Variants in THADA observed in about 807,000 individuals in gnomAD.
THADA encodes the protein THADA armadillo repeat containing.
In THADA, 213 loss-of-function variants were observed where a neutral mutation model predicts 219.8. That is an observed-to-expected ratio of 0.97 (90% confidence interval 0.87 to 1.09). The LOEUF is 1.09. THADA is among the 50% of genes least tolerant of loss of function. The pLI is 0.00. For missense variants in THADA, 2,956 were observed against 2,311.3 expected (o/e 1.28, Z -5.72); for synonymous variants, 1,018 against 828.9 (o/e 1.23, Z -3.92).
chr2:43,407,482 T>A (rs1675708560), intron 28 of THADA, among the ~76,000 whole-genome samples: 1 of 152,324 alleles, frequency 6.6e-6, no homozygotes, highest in South Asian at 2.1e-4. Flanking sequence ...AGTCCAAGGT[T>A]GACTGCACAA....
chr2:43,557,017 T>C (rs764365989), intron 16 of THADA, among the ~76,000 whole-genome samples: 20 of 152,256 alleles, frequency 1.3e-4, no homozygotes, highest in Middle Eastern at 3.4e-3. Flanking sequence ...CAGGAGTTCA[T>C]GGCTGCAGTG....
intron 36 of THADA, among the ~76,000 whole-genome samples, chr2:43,268,006 G>C (rs1343874303): frequency 6.6e-6 from 1 of 152,182 alleles, no homozygotes; most frequent in African/African-American, 2.4e-5. Flanking sequence ...GAGGAAGCAG[G>C]AGAGGGGGAA....
At chr2:43,469,961 A>T in intron 26 of THADA, among the ~76,000 whole-genome samples, 1 of 152,258 alleles carries the variant, frequency 6.6e-6, no homozygotes, top group East Asian at 1.9e-4. Flanking sequence ...CTGCAATCTT[A>T]GCACTATGGA....
chr2:43,318,559 G>C (rs138384478), intron 31 of THADA, among the ~76,000 whole-genome samples: 1 of 152,168 alleles, frequency 6.6e-6, no homozygotes, highest in East Asian at 1.9e-4. Flanking sequence ...CATCTCAAGC[G>C]CTCAAGATCC....
chr2:43,272,242 G>C (rs7608501), intron 36 of THADA, among the ~76,000 whole-genome samples: 4,575 of 152,282 alleles, frequency 0.03, 238 homozygotes, highest in African/African-American at 0.1. Flanking sequence ...GACTGGGTAG[G>C]ATTTTATATG....
intron 26 of THADA, among the ~76,000 whole-genome samples, chr2:43,476,693 A>T (rs893360179): frequency 6.6e-6 from 1 of 152,178 alleles, no homozygotes; most frequent in African/African-American, 2.4e-5. Context: ...TTACTATGTT[A>T]TGTCGTTCTC....
chr2:43,586,158 G>A (rs1701002944), intron 7 of THADA, among the ~76,000 whole-genome samples: 1 of 152,112 alleles, frequency 6.6e-6, no homozygotes, highest in Admixed American at 6.5e-5. Context: ...CCAGCTACGT[G>A]GGAAGCTGAG....
At chr2:43,407,946 T>C (rs1255054633) in intron 28 of THADA, among the ~76,000 whole-genome samples, 1 of 152,184 alleles carries the variant, frequency 6.6e-6, no homozygotes, top group African/African-American at 2.4e-5. Context: ...TGATAATGAA[T>C]GAGGAAACCT....
intron 31 of THADA, among the ~76,000 whole-genome samples, chr2:43,311,250 A>G (rs955938732): frequency 2.0e-5 from 3 of 152,224 alleles, no homozygotes; most frequent in Non-Finnish European, 2.9e-5. Context: ...AGATATATAA[A>G]TGACCAACTA....
intron 14 of THADA, among the ~76,000 whole-genome samples, chr2:43,568,426 G>C (rs905605123): frequency 6.6e-5 from 10 of 152,098 alleles, no homozygotes; most frequent in Non-Finnish European, 1.0e-4. Context: ...TAACAATATA[G>C]TGCCAAGGTC....
At chr2:43,270,883 A>G (rs1188760214) in intron 36 of THADA, among the ~76,000 whole-genome samples, 3 of 152,136 alleles carry the variant, frequency 2.0e-5, no homozygotes, top group Non-Finnish European at 4.4e-5. Flanking sequence ...TATAAATAAA[A>G]TGGAGGAAAT....
intron 26 of THADA, among the ~76,000 whole-genome samples, chr2:43,431,515 G>C (rs968680191): frequency 6.6e-6 from 1 of 152,112 alleles, no homozygotes; most frequent in Non-Finnish European, 1.5e-5. Flanking sequence ...GCCCAGGCTG[G>C]AGTGCAGTGG....
At chr2:43,418,240 C>G (rs1677252189) in intron 28 of THADA, among the ~76,000 whole-genome samples, 1 of 152,162 alleles carries the variant, frequency 6.6e-6, no homozygotes. Context: ...TGGCTTTTCA[C>G]CTCCAAAGAA....
intron 34 of THADA, among the ~76,000 whole-genome samples, chr2:43,289,289 T>C (rs1463980517): frequency 6.6e-6 from 1 of 152,234 alleles, no homozygotes; most frequent in Non-Finnish European, 1.5e-5. Flanking sequence ...GGACTGTTGT[T>C]CCAGATGTAC....
intron 29 of THADA, among the ~76,000 whole-genome samples, chr2:43,383,311 G>T (rs1331673999): frequency 6.6e-6 from 1 of 152,172 alleles, no homozygotes; most frequent in African/African-American, 2.4e-5. Context: ...GCATAAGTAA[G>T]GCACAATCCC....
intron 36 of THADA, among the ~76,000 whole-genome samples, chr2:43,251,783 C>G (rs536816341): frequency 9.6e-4 from 146 of 152,358 alleles, no homozygotes; most frequent in Non-Finnish European, 1.9e-3. Context: ...ACCTCCTCCC[C>G]TATCCTCATG....
At chr2:43,327,168 G>A (rs565469925) in intron 30 of THADA, among the ~76,000 whole-genome samples, 34 of 152,266 alleles carry the variant, frequency 2.2e-4, no homozygotes, top group African/African-American at 7.5e-4. Context: ...TTGAGCTGGT[G>A]AAAGAGAAGG....
chr2:43,290,760 T>C (rs936147829), intron 34 of THADA, among the ~76,000 whole-genome samples: 128 of 151,996 alleles, frequency 8.4e-4, no homozygotes, highest in African/African-American at 2.9e-3. Flanking sequence ...TCAGGTAATT[T>C]TCCTGTGGTA....
chr2:43,273,933 C>T (rs1182004269), intron 36 of THADA, among the ~76,000 whole-genome samples: 3 of 152,060 alleles, frequency 2.0e-5, no homozygotes, highest in Non-Finnish European at 4.4e-5. Flanking sequence ...TCCTTCTTTG[C>T]CTTGCCCTGG....
Sources: allele counts gnomAD v4.1 joint callset (sites outside exome capture counted in the v4.1 genomes callset), GRCh38; gene constraint gnomAD v4.1.1; transcripts MANE v1.5; gene names NCBI Gene and HGNC (gene_info 2026-07-23, HGNC 2026-07-21).